Variants in HMCN1 observed in about 807,000 individuals in gnomAD.
The protein encoded by HMCN1 is hemicentin 1.
Under a neutral mutation model 625.9 loss-of-function variants are expected in HMCN1, and 321 were observed. The ratio of observed to expected loss-of-function variants is 0.51; its 90% CI spans 0.47 to 0.56. HMCN1 has a LOEUF of 0.56. Among genes scored for constraint, HMCN1 ranks in the 20% least tolerant of loss-of-function variants. HMCN1 has a pLI of 0.00. For missense variants in HMCN1, 6,588 were observed against 6,887.3 expected (o/e 0.96, Z 1.54); for synonymous variants, 2,425 against 2,417.6 (o/e 1.00, Z -0.09).
chr1:185,966,864 T>C (rs1328763147), intron 14 of HMCN1, among the ~76,000 whole-genome samples: 1 of 151,992 alleles, frequency 6.6e-6, no homozygotes, highest in Non-Finnish European at 1.5e-5. Context: ...ATGTAGAAAA[T>C]AAATAGTTTT....
At chr1:185,887,838 G>A (rs1664769283) in intron 4 of HMCN1, among the ~76,000 whole-genome samples, 1 of 140,364 alleles carries the variant, frequency 7.1e-6, no homozygotes, top group African/African-American at 2.7e-5. Context: ...TGGGATGGCT[G>A]GGTCAAATGG....
chr1:185,974,804 C>T (rs1558108796), intron 15 of HMCN1, among the ~76,000 whole-genome samples: 2 of 152,116 alleles, frequency 1.3e-5, no homozygotes, highest in South Asian at 4.1e-4. Context: ...TGACCTTGTG[C>T]TTGTTTTGTG....
chr1:186,088,232 T>TCC lies in HMCN1; in HGVS notation c.9535_9536dup (p.Pro3180HisfsTer5). ...ACATTAACATGTGATGCCACTGGGA[T>TCC]CCCACCTCCCACGATAGCATGGTTA... On this transcript the variant is annotated frameshift_variant, in exon 62 of 107. Transcript: ENST00000271588. LOFTEE classifies it high-confidence loss of function. 6.2e-7 allele frequency: 1 copy of TCC among 1,612,926 alleles called. No individual in the cohort carries two copies.
chr1:186,165,242 T>C, intron 98 of HMCN1, 69 bp downstream of exon 98: 3 of 1,284,714 alleles, frequency 2.3e-6, no homozygotes, highest in Non-Finnish European at 3.4e-6. Context: ...ATTTAATGGG[T>C]ATCTATTGCC....
chr1:185,865,241 A>C (rs561891424), intron 3 of HMCN1, among the ~76,000 whole-genome samples: 1 of 152,210 alleles, frequency 6.6e-6, no homozygotes, highest in East Asian at 1.9e-4. Flanking sequence ...TGGCAGAAAC[A>C]CTTGAGAGCA....
chr1:185,959,432 A>G (rs1326679135), intron 11 of HMCN1, among the ~76,000 whole-genome samples: 3 of 152,176 alleles, frequency 2.0e-5, no homozygotes, highest in Non-Finnish European at 4.4e-5. Context: ...AAGATACCCA[A>G]TTCTTAAAGT....
rs1652571773 is a variant in HMCN1, at chr1:185,993,404, A to G, written c.3505+95A>G. 5 of 1,399,238 alleles carry G rather than the reference A, an allele frequency of 3.6e-6. No individual in the cohort carries two copies. The Admixed American group carries it at 5.5e-5, about 15-fold the overall frequency. The allele number at this position is 1,399,238 out of a possible 1,614,324, so 86.7% of individuals were successfully genotyped here. A position where few individuals can be genotyped will look rare whatever the true frequency, so the allele number is the denominator to read the frequency against. On this transcript the variant is annotated intron_variant, in intron 23 of 106. Transcript: ENST00000271588. ...ATTTGATAGTTAATTTCCAAATTGT[A>G]TATAGAGTGATTAAAGAAAAAAATT...
intron 52 of HMCN1, among the ~76,000 whole-genome samples, chr1:186,073,091 A>G (rs1251699666): frequency 6.6e-6 from 1 of 152,118 alleles, no homozygotes; most frequent in African/African-American, 2.4e-5. Flanking sequence ...TAGGTTCAAG[A>G]TAAGTGAGAG....
chr1:186,021,837 A>G (rs571789915), intron 35 of HMCN1, among the ~76,000 whole-genome samples: 2 of 152,230 alleles, frequency 1.3e-5, no homozygotes, highest in East Asian at 1.9e-4. Flanking sequence ...TGGCAACAAT[A>G]TGCAAGATAG....
intron 69 of HMCN1, among the ~76,000 whole-genome samples, chr1:186,105,896 A>G (rs1369077844): frequency 2.0e-5 from 3 of 152,218 alleles, no homozygotes; most frequent in African/African-American, 7.2e-5. Context: ...GATTTTAAAG[A>G]TATGATGAGA....
At chr1:185,983,247 C>T (rs1651779611) in intron 18 of HMCN1, among the ~76,000 whole-genome samples, 1 of 151,886 alleles carries the variant, frequency 6.6e-6, no homozygotes, top group Non-Finnish European at 1.5e-5. Context: ...CTATCTATGG[C>T]AATACATTTT....
intron 93 of HMCN1, 125 bp downstream of exon 93, chr1:186,146,048 T>A (rs1359180687): frequency 2.1e-6 from 2 of 943,580 alleles, no homozygotes; most frequent in East Asian, 5.2e-5. Flanking sequence ...AAAAAAGTGC[T>A]TTCTTGCTCC....
intron 69 of HMCN1, among the ~76,000 whole-genome samples, chr1:186,106,179 A>G (rs1660599299): frequency 6.6e-6 from 1 of 152,138 alleles, no homozygotes; most frequent in South Asian, 2.1e-4. Flanking sequence ...TCCAAAATAC[A>G]TTTTTCGCAG....
rs12097237 is a variant in HMCN1 at position 185,914,828 on chromosome 1, T to C, written c.900+3048T>C. 5.1e-3 allele frequency among the ~76,000 whole-genome samples: 773 copies of C among 152,184 alleles called. 16 individuals carry two copies. The highest frequency in any genetic ancestry group is 0.018 in the African/African-American group (745 of 41,550). On this transcript the variant is annotated intron_variant, in intron 6 of 106. Coordinates refer to ENST00000271588, the MANE Select transcript of HMCN1 (RefSeq NM_031935.3). The stretch of plus-strand genomic sequence containing the variant: ...ATATCATTTTTATTTCTGTACATAT[T>C]TTCTCTGTCTCTTTTTCTATAGACC...
At chr1:185,945,547 C>T (rs190609937) in intron 11 of HMCN1, among the ~76,000 whole-genome samples, 213 of 152,216 alleles carry the variant, frequency 1.4e-3, no homozygotes, top group Middle Eastern at 6.8e-3. Flanking sequence ...TAAATATTTA[C>T]AATACGATGT....
intron 48 of HMCN1, among the ~76,000 whole-genome samples, chr1:186,063,626 T>C (rs2102319456): frequency 6.6e-6 from 1 of 152,306 alleles, no homozygotes; most frequent in African/African-American, 2.4e-5. Flanking sequence ...TCCTTCCCTG[T>C]GTTTGTGCCT....
intron 11 of HMCN1, among the ~76,000 whole-genome samples, chr1:185,938,811 A>T (rs563792888): frequency 2.0e-4 from 30 of 152,088 alleles, no homozygotes; most frequent in African/African-American, 7.0e-4. Context: ...CTCAAAAAAA[A>T]TTTTCCCAAT....
At chr1:186,121,473 A>G (rs974505757) in intron 80 of HMCN1, among the ~76,000 whole-genome samples, 22 of 152,104 alleles carry the variant, frequency 1.4e-4, no homozygotes, top group African/African-American at 4.8e-4. Flanking sequence ...TGGAGGTGTA[A>G]TTGTTAGGAT....
rs570161794 is a variant in HMCN1 at position 185,929,353 on chromosome 1, T to C, written c.1552+686T>C. Among the ~76,000 whole-genome samples, 4 of 152,262 alleles carry C rather than the reference T, an allele frequency of 2.6e-5. No homozygotes were observed. In the South Asian group the frequency reaches 8.3e-4, roughly 32 times the overall value. ...TCCTATGAATAGATGGGAGATATAG[T>C]TCATATTATTTTATATACATTAAAG... On this transcript the variant is annotated intron_variant, in intron 10 of 106. Transcript: ENST00000271588.
Sources: allele counts gnomAD v4.1 joint callset (sites outside exome capture counted in the v4.1 genomes callset), GRCh38; gene constraint gnomAD v4.1.1; transcripts MANE v1.5; gene names NCBI Gene and HGNC (gene_info 2026-07-23, HGNC 2026-07-21).